Variants in TAF1 observed in about 807,000 individuals in gnomAD.
The protein encoded by TAF1 is transcription initiation factor TFIID subunit 1.
Under a neutral mutation model 138.5 loss-of-function variants are expected in TAF1, and 2 were observed. The ratio of observed to expected loss-of-function variants is 0.01; its 90% CI spans 0.01 to 0.05. The LOEUF is 0.05. Ranked by LOEUF, TAF1 falls within the 10% of genes least tolerant of loss-of-function variation. TAF1 has a pLI of 1.00. For missense variants in TAF1, 709 were observed against 1,478.0 expected, an observed-to-expected ratio of 0.48 and a Z score of 8.53; for synonymous variants, 437 against 503.2, an observed-to-expected ratio of 0.87 and a Z score of 1.76.
chrX:71,496,559 CTCTT>C (rs1025510093), intron 13 of TAF1, among the ~76,000 whole-genome samples: 1 of 110,460 alleles, frequency 9.1e-6, no homozygotes, highest in Non-Finnish European at 1.9e-5. Context: ...TCCTCTCTCT[CTCTT>C]TGACTGCCTC....
chrX:71,474,364 C>T (rs1016625655), intron 13 of TAF1, among the ~76,000 whole-genome samples: 1 of 111,272 alleles, frequency 9.0e-6, no homozygotes, highest in African/African-American at 3.3e-5. Flanking sequence ...AGGAGCCAGG[C>T]TTGGGGAAAA....
rs763926337 is a variant in TAF1 at position 71,458,142 on chromosome X, T to C, written c.4939-99T>C. On this transcript the variant is annotated intron_variant, in intron 34 of 37. Coordinates refer to ENST00000423759, the MANE Select transcript of TAF1 (RefSeq NM_004606.5). ...ATGTTTCTCTTTAACTGAATTGCTC[T>C]GCATGATCTTTTTCTCCAGTAAATG... is the stretch of plus-strand genomic sequence containing the variant. 2.7e-5 allele frequency: 28 copies of C among 1,043,654 alleles called. 1 individual carries two copies. In the Admixed American group the frequency reaches 6.7e-4, roughly 25 times the overall value. 86.0% of individuals were successfully genotyped at this position (1,043,654 alleles called of 1,213,427 possible).
intron 16 of TAF1, 142 bp from the exon 17 acceptor site, chrX:71,388,596 C>T (rs761829175): frequency 8.7e-5 from 82 of 940,234 alleles, no homozygotes; most frequent in Admixed American, 1.8e-4. Context: ...GGAAACTTAG[C>T]AGCTGGGGTT....
chrX:71,444,371 A>G (rs1243688935), intron 32 of TAF1, among the ~76,000 whole-genome samples: 1 of 111,204 alleles, frequency 9.0e-6, no homozygotes, highest in African/African-American at 3.3e-5. Flanking sequence ...TATTACATAT[A>G]TGATTTGCAG....
Position 71,426,809 on chromosome X carries a change from A to G in TAF1, c.4753+2571A>G, listed in dbSNP as rs963250738. ...TTGAGAGGCAGGCAAGAGTCAAATC[A>G]TAGAGGATTTTGTGTGCTATACTTG... is the stretch of plus-strand genomic sequence containing the variant. On this transcript the variant is annotated intron_variant, in intron 32 of 37. Coordinates refer to ENST00000423759, the MANE Select transcript of TAF1 (RefSeq NM_004606.5). Among the ~76,000 whole-genome samples the G allele has an allele frequency of 2.7e-5, 3 of 111,716 alleles. No individual in the cohort carries two copies. In the Admixed American group the frequency reaches 2.9e-4, roughly 11 times the overall value.
In TAF1 at chrX:71,397,445, C is replaced by T; in HGVS notation, c.3599C>T (p.Thr1200Ile). ...ATTGATGCCTATGTGCGCATACGGACTACAAAAGATGAGGAATTCATGTGA... is the reference window on the plus strand; with the variant it reads ...ATTGATGCCTATGTGCGCATACGGATTACAAAAGATGAGGAATTCATGTGA... Reference protein sequence around the residue: ...AVIDAYVRIRTTKDEEFIRKF... With the variant: ...AVIDAYVRIRITKDEEFIRKF... The change falls in exon 23 of 38, where the codon ACT becomes ATT. Residue 1200 changes from threonine (T) to isoleucine (I), a missense_variant. Coordinates refer to ENST00000423759, the MANE Select transcript of TAF1 (RefSeq NM_004606.5). 1 of 1,211,719 alleles carries T rather than the reference C, an allele frequency of 8.3e-7. No homozygotes were observed. The highest frequency in any genetic ancestry group is 1.1e-6 in the Non-Finnish European group (1 of 895,493).
At chrX:71,452,100 G>T (rs1467389310) in intron 32 of TAF1, among the ~76,000 whole-genome samples, 1 of 100,573 alleles carries the variant, frequency 9.9e-6, no homozygotes. Flanking sequence ...CTGGCCGGGC[G>T]GGGGGCTGAC....
At chrX:71,515,419 G>T (rs1211022823) in intron 13 of TAF1, among the ~76,000 whole-genome samples, 5 of 111,493 alleles carry the variant, frequency 4.5e-5, no homozygotes, top group Non-Finnish European at 9.4e-5. Context: ...CATAGGGCAG[G>T]GGATGAAATT....
At chrX:71,411,540 C>T (rs1016790806) in intron 28 of TAF1, among the ~76,000 whole-genome samples, 1 of 112,179 alleles carries the variant, frequency 8.9e-6, no homozygotes, top group African/African-American at 3.2e-5. Context: ...ACGTCAGAGC[C>T]TGTACTCTTA....
At chrX:71,457,449 T>G (rs1351595742) in intron 34 of TAF1, among the ~76,000 whole-genome samples, 1 of 112,550 alleles carries the variant, frequency 8.9e-6, no homozygotes, top group African/African-American at 3.2e-5. Flanking sequence ...TTTTGTGTCT[T>G]AACTCTTTTC....
intron 17 of TAF1, among the ~76,000 whole-genome samples, 153 bp from the exon 18 acceptor site, chrX:71,389,432 G>A (rs2034430950): frequency 8.9e-6 from 1 of 111,839 alleles, no homozygotes; most frequent in South Asian, 3.7e-4. Flanking sequence ...TATAGCTTAA[G>A]GATGTGCCGT....
chrX:71,377,223 A>G (rs908220327), intron 5 of TAF1, 32 bp downstream of exon 5: 1 of 1,203,952 alleles, frequency 8.3e-7, no homozygotes, highest in Non-Finnish European at 1.1e-6. Context: ...CAGATTGCAA[A>G]CCACTGACCT....
chrX:71,518,334 A>AT (rs760782149), intron 13 of TAF1, among the ~76,000 whole-genome samples: 2 of 109,289 alleles, frequency 1.8e-5, no homozygotes, highest in Non-Finnish European at 3.8e-5. Context: ...TGCCCAGCTA[A>AT]TTTTTTTTGT....
At chrX:71,408,433 C>T (rs2035587098) in intron 28 of TAF1, among the ~76,000 whole-genome samples, 1 of 110,884 alleles carries the variant, frequency 9.0e-6, no homozygotes, top group East Asian at 2.9e-4. Context: ...TCTCCTGCCT[C>T]AGCCTCCCGA....
intron 32 of TAF1, among the ~76,000 whole-genome samples, chrX:71,431,200 T>C (rs2036871483): frequency 9.3e-6 from 1 of 107,603 alleles, no homozygotes; most frequent in Non-Finnish European, 1.9e-5. Context: ...GTAGCTGGGA[T>C]TACAGGCACA....
At chrX:71,414,174 C>G (rs2035934944) in intron 28 of TAF1, 1 of 77,159 alleles carries the variant, frequency 1.3e-5, no homozygotes, top group Non-Finnish European at 2.4e-5. Context: ...AAACATTTCT[C>G]TCTGAGGAGA....
At chrX:71,428,350 A>G (rs185649643) in intron 32 of TAF1, among the ~76,000 whole-genome samples, 90 of 111,413 alleles carry the variant, frequency 8.1e-4, no homozygotes, top group Non-Finnish European at 1.5e-3. Context: ...ATTGTGTGAG[A>G]TTTCTGGAAA....
At chrX:71,492,570 C>G (rs1194756711) in intron 13 of TAF1, 1 of 126,739 alleles carries the variant, frequency 7.9e-6, no homozygotes, top group Non-Finnish European at 1.6e-5. Context: ...ACGTGGCTGT[C>G]TACCTGCCGC....
chrX:71,389,775 A>G (rs1016564569), intron 18 of TAF1, 110 bp downstream of exon 18: 1 of 550,836 alleles, frequency 1.8e-6, no homozygotes, highest in African/African-American at 2.4e-5. Flanking sequence ...TTTAAAGTAT[A>G]CTGTTAGATG....
Sources: allele counts gnomAD v4.1 joint callset (sites outside exome capture counted in the v4.1 genomes callset), GRCh38; gene constraint gnomAD v4.1.1; transcripts MANE v1.5; gene names NCBI Gene and HGNC (gene_info 2026-07-23, HGNC 2026-07-21).